Variants in L1TD1 observed in about 807,000 individuals in gnomAD.
L1TD1 encodes the protein LINE1 type transposase domain containing 1.
Under a neutral mutation model 25.7 loss-of-function variants are expected in L1TD1, and 26 were observed. That is an observed-to-expected ratio of 1.01 (90% CI 0.74 to 1.40). The LOEUF is 1.40. Ranked by LOEUF, L1TD1 falls within the 40% of genes most tolerant of loss-of-function variation. The pLI is 0.00. For synonymous variants in L1TD1, 421 were observed against 335.6 expected (o/e 1.25, Z -2.78); for missense variants, 1,130 against 975.0 (o/e 1.16, Z -2.12).
chr1:62,205,594 G>A (rs2149100632), intron 2 of L1TD1, among the ~76,000 whole-genome samples: 1 of 151,016 alleles, frequency 6.6e-6, no homozygotes. Flanking sequence ...ACCATACCTG[G>A]CTAATTTTTG....
At chr1:62,198,359 G>A (rs1000523340) in intron 2 of L1TD1, among the ~76,000 whole-genome samples, 5 of 151,374 alleles carry the variant, frequency 3.3e-5, no homozygotes, top group African/African-American at 9.7e-5. Flanking sequence ...TCACCTGTAC[G>A]TTGTGAGAGA....
chr1:62,212,168 C>G lies in L1TD1; in HGVS notation c.*796C>G, dbSNP rs910811560. 4 of 151,976 alleles carry G rather than the reference C, an allele frequency of 2.6e-5. No individual in the cohort carries two copies. Among genetic ancestry groups the G allele is most frequent in the African/African-American group, 4.8e-5 (2 of 41,360 alleles). The allele number at this position is 151,976 out of a possible 1,614,324, so 9.4% of individuals were successfully genotyped here. Reference sequence around the variant, plus strand: ...CTGTAATCCCAGCAGTTTAGGGGGCCAAGGCAGGTGGGTCACTTGAGCCCA... The same window carrying G: ...CTGTAATCCCAGCAGTTTAGGGGGCGAAGGCAGGTGGGTCACTTGAGCCCA... On this transcript the variant is annotated 3_prime_UTR_variant, in exon 4 of 4. Transcript: ENST00000498273.
At chr1:62,197,433 A>ATATATATATATATATATG (rs1174042182) in intron 2 of L1TD1, among the ~76,000 whole-genome samples, 1 of 138,370 alleles carries the variant, frequency 7.2e-6, no homozygotes, top group African/African-American at 2.7e-5. Flanking sequence ...ATATATATAT[A>ATATATATATATATATATG]GTTTAGTCCT....
Position 62,210,651 on chromosome 1 carries a change from G to A in L1TD1, c.1877G>A (p.Arg626Lys). 1.3e-6 allele frequency: 2 copies of A among 1,570,104 alleles called. No homozygotes were observed. Among genetic ancestry groups the A allele is most frequent in the East Asian group, 2.4e-5 (1 of 41,934 alleles). The part of the protein sequence containing the change: ...NLRSSVINSI[R>K]EIKEEIGNLK... ...AGAAGTAGTGTGATTAATAGCATCA[G>A]AGAGATAAAAGAGGAGATTGGAAAT... The change falls in exon 4 of 4, where the codon AGA becomes AAA. Residue 626 changes from arginine (R) to lysine (K), a missense_variant. Transcript: ENST00000498273.
chr1:62,202,709 T>G (rs1670666638), intron 2 of L1TD1, among the ~76,000 whole-genome samples: 1 of 139,158 alleles, frequency 7.2e-6, no homozygotes, highest in South Asian at 2.4e-4. Context: ...AGAGTCTTGC[T>G]CTTTTGCTCT....
intron 3 of L1TD1, among the ~76,000 whole-genome samples, chr1:62,208,984 C>CT (rs1413071281): frequency 6.6e-6 from 1 of 152,150 alleles, no homozygotes; most frequent in Non-Finnish European, 1.5e-5. Context: ...GGCACCTAAC[C>CT]TGTCTGGTGG....
rs758908225 is a variant in L1TD1, at chr1:62,207,125, G to T, written c.497G>T (p.Arg166Leu). 1 of 1,589,754 alleles carries T rather than the reference G, an allele frequency of 6.3e-7. No homozygotes were observed. Among genetic ancestry groups the T allele is most frequent in the Admixed American group, 1.8e-5 (1 of 55,130 alleles). The change falls in exon 3 of 4, where the codon CGA (arginine) becomes CTA (leucine). Residue 166 changes from arginine (R) to leucine (L), a missense_variant. Physicochemically the swap from Arg to Leu is moderately radical, Grantham distance 102. Coordinates refer to ENST00000498273, the MANE Select transcript of L1TD1 (RefSeq NM_019079.5). ...DGKKLPQGESRSYEVMGSMEE... is the reference protein window; with the variant it reads ...DGKKLPQGESLSYEVMGSMEE... The stretch of plus-strand genomic sequence containing the variant: ...AAGAAATTACCCCAGGGTGAATCAC[G>T]AAGTTACGAAGTCATGGGAAGTATG...
chr1:62,195,371 T>G (rs949184082), intron 1 of L1TD1, among the ~76,000 whole-genome samples: 1 of 152,212 alleles, frequency 6.6e-6, no homozygotes, highest in African/African-American at 2.4e-5. Context: ...GACTTATCTA[T>G]CCCCAAATTG....
Position 62,210,118 on chromosome 1 carries a change from T to G in L1TD1, c.1344T>G (p.Gly448=). The part of the protein sequence containing the change: ...QTSEQDSTFQ[G]HTLVDAKHEV... ...CAGAACAGGACTCAACCTTTCAGGGTCATACTTTGGTAGATGCAAAGCATG... is the reference window on the plus strand; with the variant it reads ...CAGAACAGGACTCAACCTTTCAGGGGCATACTTTGGTAGATGCAAAGCATG... Residue 448 remains glycine, a synonymous_variant, in exon 4 of 4, where the codon GGT becomes GGG. Transcript: ENST00000498273. 6.2e-7 allele frequency: 1 copy of G among 1,613,762 alleles called. No homozygotes were observed. The highest frequency in any genetic ancestry group is 8.5e-7 in the Non-Finnish European group (1 of 1,179,970).
intron 1 of L1TD1, among the ~76,000 whole-genome samples, chr1:62,196,163 A>C (rs1670535463): frequency 1.3e-5 from 2 of 152,232 alleles, no homozygotes; most frequent in East Asian, 3.8e-4. Context: ...GCAAAAGGAA[A>C]GCGTGCCTTC....
chr1:62,207,250 G>A lies in L1TD1; in HGVS notation c.622G>A (p.Val208Ile), dbSNP rs764484228. The A allele has an allele frequency of 6.4e-7, 1 of 1,551,250 alleles. No individual in the cohort carries two copies. Among genetic ancestry groups the A allele is most frequent in the Non-Finnish European group, 8.7e-7 (1 of 1,146,936 alleles). The change falls in exon 3 of 4, where the codon GTC (valine) becomes ATC (isoleucine). Residue 208 changes from valine to isoleucine, a missense_variant. Coordinates refer to ENST00000498273, the MANE Select transcript of L1TD1 (RefSeq NM_019079.5). ...ESRKDGEDEFVKEMREERKFQ... is the reference protein window; with the variant it reads ...ESRKDGEDEFIKEMREERKFQ... ...TAGGAAGGATGGAGAGGATGAATTT[G>A]TCAAAGAAATGAGAGAGGAAAGAAA...
chr1:62,195,296 C>A (rs1670512426), intron 1 of L1TD1, among the ~76,000 whole-genome samples: 1 of 152,222 alleles, frequency 6.6e-6, no homozygotes, highest in African/African-American at 2.4e-5. Context: ...GCAGTTGGCC[C>A]CCTCACTTGA....
rs755089729 is a variant in L1TD1 at position 62,207,295 on chromosome 1, AAAG to A, written c.669_671del (p.Glu225del). ...AAGAAAATTTCAGAAATTGAAGAAT[AAAG>A]AGGAGGTTTTAAAAGCCTCCAGAGA... On this transcript the variant is annotated inframe_deletion, in exon 3 of 4. Coordinates refer to ENST00000498273, the MANE Select transcript of L1TD1 (RefSeq NM_019079.5). 1.8e-5 allele frequency: 28 copies of A among 1,551,012 alleles called. No homozygotes were observed. The South Asian group carries it at 2.3e-4, about 13-fold the overall frequency.
At position 62,210,098 on chromosome 1, in the gene L1TD1, C is replaced by G; in HGVS notation, c.1324C>G (p.Gln442Glu). 1 of 1,613,998 alleles carries G rather than the reference C, an allele frequency of 6.2e-7. No homozygotes were observed. The highest frequency in any genetic ancestry group is 1.3e-5 in the African/African-American group (1 of 75,004). Residue 442 changes from glutamine to glutamate, a missense_variant, in exon 4 of 4, where the codon CAG (glutamine) becomes GAG (glutamate). Physicochemically the swap from Gln to Glu is conservative, Grantham distance 29. Coordinates refer to ENST00000498273, the MANE Select transcript of L1TD1 (RefSeq NM_019079.5). ...LEEEEEQTSE[Q>E]DSTFQGHTLV... ...GGAGGAAGAGGAACAGACTTCAGAACAGGACTCAACCTTTCAGGGTCATAC... is the reference window on the plus strand; with the variant it reads ...GGAGGAAGAGGAACAGACTTCAGAAGAGGACTCAACCTTTCAGGGTCATAC...
chr1:62,201,061 T>C (rs1384586998), intron 2 of L1TD1, among the ~76,000 whole-genome samples: 3 of 152,044 alleles, frequency 2.0e-5, no homozygotes, highest in Non-Finnish European at 2.9e-5. Flanking sequence ...CTGGAATAGC[T>C]GGGATTACAG....
In L1TD1 at chr1:62,207,298, G is replaced by A; in HGVS notation, c.670G>A (p.Glu224Lys). Residue 224 changes from glutamate to lysine, a missense_variant, in exon 3 of 4, where the codon GAG becomes AAG. Glu to Lys is a moderately conservative substitution (Grantham distance 56, BLOSUM62 1). Transcript: ENST00000498273. ...ERKFQKLKNK[E>K]EVLKASREEK... ...AAAATTTCAGAAATTGAAGAATAAA[G>A]AGGAGGTTTTAAAAGCCTCCAGAGA... 1 of 1,550,912 alleles carries A rather than the reference G, an allele frequency of 6.4e-7. No homozygotes were observed. Among genetic ancestry groups the A allele is most frequent in the Non-Finnish European group, 8.7e-7 (1 of 1,146,806 alleles).
At chr1:62,196,884 G>A (rs1443231112) in intron 2 of L1TD1, among the ~76,000 whole-genome samples, 1 of 151,710 alleles carries the variant, frequency 6.6e-6, no homozygotes, top group Admixed American at 6.6e-5. Context: ...GAGTCACTGC[G>A]CCTGGACTGG....
At chr1:62,200,597 G>A (rs1670623155) in intron 2 of L1TD1, among the ~76,000 whole-genome samples, 1 of 151,924 alleles carries the variant, frequency 6.6e-6, no homozygotes. Context: ...TCTTATTAAA[G>A]GACATTGTTT....
At chr1:62,205,366 ACTCTCTTTCTCTCTCTCT>A (rs1670715061) in intron 2 of L1TD1, among the ~76,000 whole-genome samples, 1 of 105,870 alleles carries the variant, frequency 9.4e-6, no homozygotes, top group Non-Finnish European at 1.9e-5. Flanking sequence ...ACCAACGAAA[ACTCTCTTTCTCTCTCTCT>A]CTCTTTCTCT....
Sources: allele counts gnomAD v4.1 joint callset (sites outside exome capture counted in the v4.1 genomes callset), GRCh38; gene constraint gnomAD v4.1.1; transcripts MANE v1.5; gene names NCBI Gene and HGNC (gene_info 2026-07-23, HGNC 2026-07-21).